The following ASB18 variants were observed in gnomAD, a reference collection of about 807,000 sequenced individuals.
The protein encoded by ASB18 is ankyrin repeat and SOCS box containing 18.
Under a neutral mutation model 33.4 loss-of-function variants are expected in ASB18, and 33 were observed. The ratio of observed to expected loss-of-function variants is 0.99; its 90% CI spans 0.75 to 1.32. The LOEUF (loss-of-function observed/expected upper bound fraction) is 1.32, where lower values mean the gene tolerates loss of function less well. ASB18 is among the 40% of genes most tolerant of loss of function. The pLI, the probability that ASB18 is intolerant of heterozygous loss-of-function variation, is 0.00. For synonymous variants in ASB18, 295 were observed against 307.6 expected (o/e 0.96, Z 0.43); for missense variants, 694 against 655.5 (o/e 1.06, Z -0.64).
rs997863908 is a variant in ASB18 at position 236,209,137 on chromosome 2, G to A, written c.1101+5225C>T. Reference sequence around the variant, plus strand: ...CCCACTAAAAATCCTGTGGAATTGGGATAAGCGAAGTCCCTTTACCTGATT... The same window carrying A: ...CCCACTAAAAATCCTGTGGAATTGGAATAAGCGAAGTCCCTTTACCTGATT... On this transcript the variant is annotated intron_variant, in intron 4 of 5. Transcript: ENST00000409749. The surrounding 1 kb of genome is among the most constrained non-coding windows in gnomAD (Gnocchi z 4.4). Among the ~76,000 whole-genome samples, 1 of 151,542 alleles carries A rather than the reference G, an allele frequency of 6.6e-6. No individual in the cohort carries two copies. Among genetic ancestry groups the A allele is most frequent in the African/African-American group, 2.4e-5 (1 of 41,210 alleles).
At position 236,220,446 on chromosome 2, in the gene ASB18, G is replaced by C. The variant is rs898301949; in HGVS notation, c.597-5580C>G. ...AGCCTGTCCAGGCTTCCACTCTCTC[G>C]TCTCCCCTGCCTCCTGATCACCCTC... On this transcript the variant is annotated intron_variant, in intron 3 of 5. Coordinates refer to ENST00000409749, the MANE Select transcript of ASB18 (RefSeq NM_212556.4). The surrounding 1 kb of genome is among the most constrained non-coding windows in gnomAD (Gnocchi z 5.1). 1.3e-5 allele frequency among the ~76,000 whole-genome samples: 2 copies of C among 151,940 alleles called. No homozygotes were observed. Among genetic ancestry groups the C allele is most frequent in the Admixed American group, 1.3e-4 (2 of 15,260 alleles).
chr2:236,217,944 C>T lies in ASB18; in HGVS notation c.597-3078G>A, dbSNP rs80105464. On this transcript the variant is annotated intron_variant, in intron 3 of 5. Coordinates refer to ENST00000409749, the MANE Select transcript of ASB18 (RefSeq NM_212556.4). The surrounding 1 kb of genome is among the most constrained non-coding windows in gnomAD (Gnocchi z 5.2). The stretch of plus-strand genomic sequence containing the variant: ...ACGTTAGAAATCAAGGGTTCCTTCT[C>T]GTTTTGCCACTGAGCCTGTGTGCAC... Among the ~76,000 whole-genome samples, 907 of 152,326 alleles carry T rather than the reference C, an allele frequency of 6.0e-3. 10 individuals are homozygous for T. The highest frequency in any genetic ancestry group is 0.021 in the African/African-American group (873 of 41,568).
At position 236,234,472 on chromosome 2, in the gene ASB18, T is replaced by C. The variant is rs1455727108; in HGVS notation, c.596+3217A>G. 1.3e-5 allele frequency among the ~76,000 whole-genome samples: 2 copies of C among 152,188 alleles called. No homozygotes were observed. The highest frequency in any genetic ancestry group is 2.1e-4 in the South Asian group (1 of 4,830). On this transcript the variant is annotated intron_variant, in intron 3 of 5. Coordinates refer to ENST00000409749, the MANE Select transcript of ASB18 (RefSeq NM_212556.4). The surrounding 1 kb of genome is among the most constrained non-coding windows in gnomAD (Gnocchi z 4.1). ...TCCTTTTTGGTGTGTGGCATAAAGA[T>C]TGTGAGGAGCCAACACCACTGGCTA...
chr2:236,243,310 A>G (rs1054517340), intron 1 of ASB18, among the ~76,000 whole-genome samples: 12 of 147,424 alleles, frequency 8.1e-5, no homozygotes, highest in Non-Finnish European at 1.8e-4. Flanking sequence ...AGCCTGGGCA[A>G]CAGAGCGAGA....
intron 1 of ASB18, among the ~76,000 whole-genome samples, chr2:236,254,369 C>A (rs781295178): frequency 3.3e-5 from 5 of 151,888 alleles, no homozygotes; most frequent in Non-Finnish European, 5.9e-5. Context: ...CAGAGTAAAC[C>A]TGACTCAACA....
At position 236,214,372 on chromosome 2, in the gene ASB18, G is replaced by A; in HGVS notation, c.1091C>T (p.Ala364Val). ...TGGATCCTGCCTTACCTTGGGGAAG[G>A]CGTCGGGCCACACGGTGGGAGAGCC... ...NHGSPTVWPD[A>V]FPKVLKTCAS... is the part of the protein sequence containing the mutation. Residue 364 changes from alanine (A) to valine (V), a missense_variant, in exon 4 of 6, where the codon GCC becomes GTC. By Grantham distance (64) the Ala-to-Val change is moderately conservative. Coordinates refer to ENST00000409749, the MANE Select transcript of ASB18 (RefSeq NM_212556.4). The surrounding 1 kb of genome is among the most constrained non-coding windows in gnomAD (Gnocchi z 6.5). 1 of 1,575,412 alleles carries A rather than the reference G, an allele frequency of 6.3e-7. No homozygotes were observed. Among genetic ancestry groups the A allele is most frequent in the South Asian group, 1.2e-5 (1 of 86,514 alleles).
At position 236,219,016 on chromosome 2, in the gene ASB18, A is replaced by T. The variant is rs1238989949; in HGVS notation, c.597-4150T>A. Among the ~76,000 whole-genome samples the T allele has an allele frequency of 2.0e-5, 3 of 151,618 alleles. No homozygotes were observed. Among genetic ancestry groups the T allele is most frequent in the Non-Finnish European group, 4.4e-5 (3 of 67,940 alleles). ...TCCCAAGTAGCTGGGACTATAGCCGAGTGCCCCCATGCTTGGCTAATTTTT... is the reference window on the plus strand; with the variant it reads ...TCCCAAGTAGCTGGGACTATAGCCGTGTGCCCCCATGCTTGGCTAATTTTT... On this transcript the variant is annotated intron_variant, in intron 3 of 5. Coordinates refer to ENST00000409749, the MANE Select transcript of ASB18 (RefSeq NM_212556.4). The surrounding 1 kb of genome is among the most constrained non-coding windows in gnomAD (Gnocchi z 6.4).
At chr2:236,242,230 C>T (rs2060624342) in intron 1 of ASB18, among the ~76,000 whole-genome samples, 1 of 152,194 alleles carries the variant, frequency 6.6e-6, no homozygotes, top group Admixed American at 6.5e-5. Flanking sequence ...CTGTCCCCCA[C>T]GCCACTCTGC....
At chr2:236,202,387 T>C (rs527922693) in intron 4 of ASB18, among the ~76,000 whole-genome samples, 1 of 147,088 alleles carries the variant, frequency 6.8e-6, no homozygotes, top group African/African-American at 2.5e-5. Flanking sequence ...TCTCACTTTA[T>C]TCTTTTTGTT....
Position 236,229,821 on chromosome 2 carries a change from A to G in ASB18, c.596+7868T>C, listed in dbSNP as rs534911541. 6.6e-5 allele frequency among the ~76,000 whole-genome samples: 10 copies of G among 152,302 alleles called. No homozygotes were observed. The highest frequency in any genetic ancestry group is 1.5e-4 in the Non-Finnish European group (10 of 68,038). On this transcript the variant is annotated intron_variant, in intron 3 of 5. Coordinates refer to ENST00000409749, the MANE Select transcript of ASB18 (RefSeq NM_212556.4). The surrounding 1 kb of genome is among the most constrained non-coding windows in gnomAD (Gnocchi z 5.2). ...ATGCCACTGCACTCCAGCCTGGGCA[A>G]CAGAGTGAGACACCATTTAATAATA... is the stretch of plus-strand genomic sequence containing the variant.
rs1191436837 is a variant in ASB18, at chr2:236,209,167, A to G, written c.1101+5195T>C. ...GCGAAGTCCCTTTACCTGATTTAGT[A>G]ATTAGGTAAAAAGAAAACATGAAAA... On this transcript the variant is annotated intron_variant, in intron 4 of 5. Coordinates refer to ENST00000409749, the MANE Select transcript of ASB18 (RefSeq NM_212556.4). The surrounding 1 kb of genome is among the most constrained non-coding windows in gnomAD (Gnocchi z 4.4). 1.3e-5 allele frequency among the ~76,000 whole-genome samples: 2 copies of G among 152,140 alleles called. No individual in the cohort carries two copies.
At position 236,263,961 on chromosome 2, in the gene ASB18, G is replaced by C. The variant is rs139702324; in HGVS notation, c.205+180C>G. Among the ~76,000 whole-genome samples, 3 of 152,126 alleles carry C rather than the reference G, an allele frequency of 2.0e-5. No individual in the cohort carries two copies. Among genetic ancestry groups the C allele is most frequent in the African/African-American group, 7.2e-5 (3 of 41,414 alleles). ...TTGTGTTGCACTTGTTGCTTATGTC[G>C]CACACGCATGTACATGGTCTATGCA... On this transcript the variant is annotated intron_variant, in intron 1 of 5. Transcript: ENST00000409749. The surrounding 1 kb of genome is among the most constrained non-coding windows in gnomAD (Gnocchi z 4.0).
In ASB18 at chr2:236,194,980, A is replaced by C; in HGVS notation, c.1293T>G (p.Ala431=). ...PRCLQHLCRC[A]LRRLFGKRCF... ...ACCTTTTGCCAAACAGTCTGCGAAG[A>C]GCACAGCGGCAAAGATGCTGCAGGC... Residue 431 remains alanine, a synonymous_variant, in exon 6 of 6, where the codon GCT becomes GCG. Coordinates refer to ENST00000409749, the MANE Select transcript of ASB18 (RefSeq NM_212556.4). The surrounding 1 kb of genome is among the most constrained non-coding windows in gnomAD (Gnocchi z 4.5). 3 of 1,613,796 alleles carry C rather than the reference A, an allele frequency of 1.9e-6. No individual in the cohort carries two copies. The highest frequency in any genetic ancestry group is 2.5e-6 in the Non-Finnish European group (3 of 1,179,826).
intron 1 of ASB18, among the ~76,000 whole-genome samples, chr2:236,243,751 G>C (rs541250950): frequency 6.0e-4 from 91 of 152,044 alleles, no homozygotes; most frequent in African/African-American, 2.2e-3. Context: ...ACTAAGGTTT[G>C]GTTTGGTTCA....
Position 236,204,145 on chromosome 2 carries a change from G to T in ASB18, c.1102-7760C>A, listed in dbSNP as rs1411578627. Among the ~76,000 whole-genome samples, 3 of 152,206 alleles carry T rather than the reference G, an allele frequency of 2.0e-5. No homozygotes were observed. In the South Asian group the frequency reaches 6.2e-4, roughly 32 times the overall value. On this transcript the variant is annotated intron_variant, in intron 4 of 5. Coordinates refer to ENST00000409749, the MANE Select transcript of ASB18 (RefSeq NM_212556.4). The surrounding 1 kb of genome is among the most constrained non-coding windows in gnomAD (Gnocchi z 5.1). ...GTTAGTGTTATCTCTTTGTCAGCTG[G>T]AGTACATCTACCTCAATGGGCCATT...
chr2:236,259,401 G>C lies in ASB18; in HGVS notation c.205+4740C>G. The C allele has an allele frequency of 2.4e-6, 1 of 415,638 alleles. No homozygotes were observed. 25.7% of individuals were successfully genotyped at this position (415,638 alleles called of 1,614,324 possible). On this transcript the variant is annotated intron_variant, in intron 1 of 5. Transcript: ENST00000409749. This position sits in a 1 kb window ranked among gnomAD's most constrained non-coding sequence, Gnocchi z 4.4. ...TAGGCGAGGTTCTGGCCCTAGAAGA[G>C]GTGGCATTCAGGTTTGAATTATCCA...
In ASB18 at chr2:236,217,510, A is replaced by G. The variant is rs917998316; in HGVS notation, c.597-2644T>C. ...ATTCCCAGTGCCTATCATAGTGCCT[A>G]TCACACTATTGGTATTCCCTAAAAA... is the stretch of plus-strand genomic sequence containing the variant. On this transcript the variant is annotated intron_variant, in intron 3 of 5. Transcript: ENST00000409749. The surrounding 1 kb of genome is among the most constrained non-coding windows in gnomAD (Gnocchi z 5.2). Among the ~76,000 whole-genome samples the G allele has an allele frequency of 1.3e-5, 2 of 152,192 alleles. No homozygotes were observed. The highest frequency in any genetic ancestry group is 4.8e-5 in the African/African-American group (2 of 41,454).
At chr2:236,212,131 C>T (rs1355769244) in intron 4 of ASB18, among the ~76,000 whole-genome samples, 2 of 152,174 alleles carry the variant, frequency 1.3e-5, no homozygotes, top group Non-Finnish European at 2.9e-5. Flanking sequence ...GACAAGATTC[C>T]TTGTCAAGCA....
rs2060620176 is a variant in ASB18, at chr2:236,241,345, A to G, written c.263T>C (p.Val88Ala). 2.5e-6 allele frequency: 4 copies of G among 1,613,894 alleles called. No individual in the cohort carries two copies. In the Admixed American group the frequency reaches 6.7e-5, roughly 27 times the overall value. The change falls in exon 2 of 6, where the codon GTG becomes GCG. Residue 88 changes from valine to alanine, a missense_variant. Val to Ala is a moderately conservative substitution (Grantham distance 64). Transcript: ENST00000409749. The surrounding 1 kb of genome is among the most constrained non-coding windows in gnomAD (Gnocchi z 4.2). ...MDQFFQDANV[V>A]FEINKDEMEW... ...CATCTCATCCTTATTGATCTCAAAC[A>G]CCACGTTGGCATCCTGGAAGAACTG...
Sources: allele counts gnomAD v4.1 joint callset (sites outside exome capture counted in the v4.1 genomes callset), GRCh38; gene constraint gnomAD v4.1.1; non-coding constraint Gnocchi (gnomAD v3.1); transcripts MANE v1.5; gene names NCBI Gene and HGNC (gene_info 2026-07-23, HGNC 2026-07-21).